GTF3C3: variants seen among roughly 807,000 people sequenced by gnomAD.
GTF3C3 encodes the protein general transcription factor IIIC subunit 3, also known as general transcription factor 3C polypeptide 3.
A neutral mutation model predicts 105.2 loss-of-function variants in GTF3C3; 75 were observed. That is an observed-to-expected ratio of 0.71 (90% CI 0.59 to 0.86). The LOEUF (loss-of-function observed/expected upper bound fraction) is 0.86. Among genes scored for constraint, GTF3C3 ranks in the 40% least tolerant of loss-of-function variants. The pLI is 0.00. For synonymous variants in GTF3C3, 335 were observed against 370.4 expected (o/e 0.90, Z 1.10); for missense variants, 856 against 1,076.5 (o/e 0.80, Z 2.87).
chr2:196,766,526 G>C (rs1276222708), intron 17 of GTF3C3, 39 bp downstream of exon 17: 2 of 1,527,428 alleles, frequency 1.3e-6, no homozygotes, highest in Non-Finnish European at 1.8e-6. Context: ...TCTACAGACA[G>C]ATGAAATGAA....
intron 10 of GTF3C3, chr2:196,777,746 TA>T (rs1475711992): frequency 2.6e-5 from 4 of 152,242 alleles, no homozygotes; most frequent in Non-Finnish European, 5.9e-5. Flanking sequence ...TTATCATTTT[TA>T]GATGACTCTG....
Position 196,775,154 on chromosome 2 carries a change from T to G in GTF3C3, c.1793A>C (p.Asp598Ala). The change falls in exon 13 of 18, where the codon GAC (aspartate) becomes GCC (alanine). Residue 598 changes from aspartate (D) to alanine (A), a missense_variant. Asp to Ala is a moderately radical substitution (Grantham distance 126). Coordinates refer to ENST00000263956, the MANE Select transcript of GTF3C3 (RefSeq NM_012086.5). ...LIKVSRDKISDSNDQESANCD... is the reference protein window; with the variant it reads ...LIKVSRDKISASNDQESANCD... ...ATTTGCTGACTCTTGGTCATTGCTG[T>G]CTGATATTTTGTCTCTCGATACTTT... 6.2e-7 allele frequency: 1 copy of G among 1,613,210 alleles called. No homozygotes were observed. The highest frequency in any genetic ancestry group is 8.5e-7 in the Non-Finnish European group (1 of 1,179,266).
At position 196,776,132 on chromosome 2, in the gene GTF3C3, T is replaced by C. The variant is rs1202259387; in HGVS notation, c.1594-21A>G. ...AGTTCCTAAACAAATAAGCACATGA[T>C]GATGAGCCTAACAAGATTCCTTTTC... On this transcript the variant is annotated intron_variant, in intron 11 of 17. Transcript: ENST00000263956. This position sits in a 1 kb window ranked among gnomAD's most constrained non-coding sequence, Gnocchi z 4.5. 8.2e-7 allele frequency: 1 copy of C among 1,225,132 alleles called. No individual in the cohort carries two copies. Among genetic ancestry groups the C allele is most frequent in the Admixed American group, 2.1e-5 (1 of 46,518 alleles). The allele number at this position is 1,225,132 out of a possible 1,614,324, so 75.9% of individuals were successfully genotyped here.
intron 13 of GTF3C3, among the ~76,000 whole-genome samples, chr2:196,774,393 A>T (rs1699227367): frequency 6.6e-6 from 1 of 152,248 alleles, no homozygotes; most frequent in Non-Finnish European, 1.5e-5. Context: ...CAACATGATA[A>T]AATGTCTATG....
chr2:196,766,336 A>G (rs1397095493), intron 17 of GTF3C3, among the ~76,000 whole-genome samples: 2 of 152,188 alleles, frequency 1.3e-5, no homozygotes, highest in Non-Finnish European at 2.9e-5. Flanking sequence ...TACCCTGGAA[A>G]CTAAAATGCT....
chr2:196,789,143 T>C (rs1209127695), intron 6 of GTF3C3, 61 bp downstream of exon 6: 2 of 1,317,158 alleles, frequency 1.5e-6, no homozygotes, highest in Non-Finnish European at 2.1e-6. Flanking sequence ...TCCAAATATA[T>C]GCTTTGATTT....
chr2:196,781,357 A>AAAAAAAATAT, intron 8 of GTF3C3, among the ~76,000 whole-genome samples: 5 of 18,816 alleles, frequency 2.7e-4, no homozygotes, highest in South Asian at 3.3e-3. Context: ...AAAAAAAAAA[A>AAAAAAAATAT]ATATATATAT....
At chr2:196,765,191 T>C (rs1373083854) in intron 17 of GTF3C3, among the ~76,000 whole-genome samples, 6 of 152,130 alleles carry the variant, frequency 3.9e-5, no homozygotes, top group African/African-American at 1.4e-4. Context: ...ATACAACAAA[T>C]TGACTCCAAT....
At chr2:196,777,419 A>ATAAG (rs542616451) in intron 10 of GTF3C3, among the ~76,000 whole-genome samples, 40 of 152,290 alleles carry the variant, frequency 2.6e-4, no homozygotes, top group African/African-American at 8.2e-4. Context: ...TTTACACCCA[A>ATAAG]TCAGTCAATC....
At chr2:196,797,998 G>T in intron 1 of GTF3C3, 90 bp from the exon 2 acceptor site, 1 of 761,476 alleles carries the variant, frequency 1.3e-6, no homozygotes, top group Non-Finnish European at 2.3e-6. Flanking sequence ...TCCTAGCTTT[G>T]CCACTCGGGC....
In GTF3C3 at chr2:196,786,997, C is replaced by T. The variant is rs888711276; in HGVS notation, c.894-1409G>A. ...CTGTTCTCAGTTTCCTGCTACTTCACTGGCCATTTTCTTTTAGTCTCCCAG... is the reference window on the plus strand; with the variant it reads ...CTGTTCTCAGTTTCCTGCTACTTCATTGGCCATTTTCTTTTAGTCTCCCAG... On this transcript the variant is annotated intron_variant, in intron 6 of 17. Coordinates refer to ENST00000263956, the MANE Select transcript of GTF3C3 (RefSeq NM_012086.5). This position sits in a 1 kb window ranked among gnomAD's most constrained non-coding sequence, Gnocchi z 4.2. Among the ~76,000 whole-genome samples, 13 of 152,112 alleles carry T rather than the reference C, an allele frequency of 8.5e-5. No individual in the cohort carries two copies. The highest frequency in any genetic ancestry group is 2.9e-4 in the African/African-American group (12 of 41,436).
At position 196,780,552 on chromosome 2, in the gene GTF3C3, T is replaced by TA. The variant is rs756369002; in HGVS notation, c.1218+6dup. 5.0e-6 allele frequency: 8 copies of TA among 1,611,550 alleles called. No homozygotes were observed. The highest frequency in any genetic ancestry group is 6.8e-6 in the Non-Finnish European group (8 of 1,178,168). On this transcript the variant is annotated splice_region_variant and intron_variant, in intron 9 of 17. Coordinates refer to ENST00000263956, the MANE Select transcript of GTF3C3 (RefSeq NM_012086.5). ...GAAGTATCTCAAGTGCAGATCTTGT[T>TA]ACATACATTAAGTGGTTCAAGAATG...
chr2:196,793,084 C>A lies in GTF3C3; in HGVS notation c.283G>T (p.Asp95Tyr), dbSNP rs1331077139. Reference protein sequence around the residue: ...VFASMLGENEDDEEEEEEEEE... With the variant: ...VFASMLGENEYDEEEEEEEEE... ...TCTTCTTCCTCTTCCTCCTCATCAT[C>A]TTCATTCTCTCCAAGCATGGAAGCA... The change falls in exon 3 of 18, where the codon GAT becomes TAT. Residue 95 changes from aspartate to tyrosine, a missense_variant. By Grantham distance (160) the Asp-to-Tyr change is radical (BLOSUM62 -3). This residue lies in a region of GTF3C3 where 117 missense variants were observed against 114.0 expected (regional missense o/e 1.03). Coordinates refer to ENST00000263956, the MANE Select transcript of GTF3C3 (RefSeq NM_012086.5). 6.8e-6 allele frequency: 11 copies of A among 1,613,840 alleles called. No homozygotes were observed. Among genetic ancestry groups the A allele is most frequent in the Non-Finnish European group, 9.3e-6 (11 of 1,179,804 alleles).
In GTF3C3 at chr2:196,790,064, A is replaced by T; in HGVS notation, c.542T>A (p.Leu181Gln). The change falls in exon 5 of 18, where the codon CTG becomes CAG. Residue 181 changes from leucine (L) to glutamine (Q), a missense_variant. Leu to Gln is a moderately radical substitution (Grantham distance 113, BLOSUM62 -2). Transcript: ENST00000263956. The stretch of plus-strand genomic sequence containing the variant: ...TAGAGTAGAGAATGGCTCATAAGCC[A>T]GAGGAGCTATAACAAATTAAAAAAA... ...MCMEIIRQAP[L>Q]AYEPFSTLAM... 1 of 1,598,750 alleles carries T rather than the reference A, an allele frequency of 6.3e-7. No individual in the cohort carries two copies. Among genetic ancestry groups the T allele is most frequent in the Non-Finnish European group, 8.5e-7 (1 of 1,174,164 alleles).
intron 9 of GTF3C3, 38 bp from the exon 10 acceptor site, chr2:196,779,105 T>C (rs1275026960): frequency 1.3e-6 from 2 of 1,539,114 alleles, no homozygotes; most frequent in South Asian, 2.3e-5. Flanking sequence ...AAACATTCAT[T>C]ACAAACGTGC....
intron 14 of GTF3C3, among the ~76,000 whole-genome samples, chr2:196,772,337 T>A (rs1258846203): frequency 6.6e-6 from 1 of 151,816 alleles, no homozygotes. Flanking sequence ...GCACCTGAGG[T>A]CGGGAGTTGG....
intron 16 of GTF3C3, 71 bp downstream of exon 16, chr2:196,769,844 T>A (rs1206953282): frequency 7.5e-7 from 1 of 1,340,344 alleles, no homozygotes; most frequent in Non-Finnish European, 1.0e-6. Flanking sequence ...GCAGGATTTT[T>A]AAAAAAAGTA....
At chr2:196,779,471 A>G (rs1284314822) in intron 9 of GTF3C3, among the ~76,000 whole-genome samples, 4 of 152,164 alleles carry the variant, frequency 2.6e-5, no homozygotes, top group African/African-American at 7.2e-5. Flanking sequence ...AAACAGCGTT[A>G]TATGGTCATT....
In GTF3C3 at chr2:196,764,440, C is replaced by T; in HGVS notation, c.*123G>A. ...TTATCACATATTAAAAATAAATACA[C>T]TGTTTGTTAGGTAATTCTGAAATTG... is the stretch of plus-strand genomic sequence containing the variant. On this transcript the variant is annotated 3_prime_UTR_variant, in exon 18 of 18. Transcript: ENST00000263956. The T allele has an allele frequency of 3.5e-6, 3 of 858,966 alleles. No homozygotes were observed. The highest frequency in any genetic ancestry group is 2.5e-4 in the Middle Eastern group (1 of 4,002). 53.2% of individuals were successfully genotyped at this position (858,966 alleles called of 1,614,324 possible).
Sources: allele counts gnomAD v4.1 joint callset (sites outside exome capture counted in the v4.1 genomes callset), GRCh38; gene constraint gnomAD v4.1.1; regional missense constraint gnomAD v4.1.1; non-coding constraint Gnocchi (gnomAD v3.1); transcripts MANE v1.5; gene names NCBI Gene and HGNC (gene_info 2026-07-23, HGNC 2026-07-21).